Variants in CEP83 observed in about 807,000 individuals in gnomAD.
CEP83 encodes centrosomal protein 83, also known as centrosomal protein of 83 kDa.
CEP83 carries 70 observed loss-of-function variants against 101.9 expected under a neutral mutation model. That is an observed-to-expected ratio of 0.69 (90% CI 0.57 to 0.84). CEP83 has a LOEUF of 0.84. Among genes scored for constraint, CEP83 ranks in the 40% least tolerant of loss-of-function variants. CEP83 has a pLI of 0.00. For missense variants in CEP83, 715 were observed against 787.2 expected (o/e 0.91, Z 1.10); for synonymous variants, 264 against 267.9 (o/e 0.99, Z 0.14).
At chr12:94,453,337 G>A (rs890248915) in intron 1 of CEP83, among the ~76,000 whole-genome samples, 13 of 152,082 alleles carry the variant, frequency 8.5e-5, no homozygotes, top group African/African-American at 2.2e-4. Context: ...AACTTCCTCC[G>A]GGCCAAGTTG....
At chr12:94,291,276 C>T in the CEP83 span, among the ~76,000 whole-genome samples, 1 of 152,222 alleles carries the variant, frequency 6.6e-6, no homozygotes, top group African/African-American at 2.4e-5. Context: ...TGCTCTGTTG[C>T]CCAGGCTGGA....
intron 2 of CEP83, among the ~76,000 whole-genome samples, chr12:94,431,315 C>T (rs1283137426): frequency 1.3e-5 from 2 of 152,068 alleles, no homozygotes; most frequent in African/African-American, 4.8e-5. Context: ...AAGATACAAA[C>T]GTAAGACCCA....
downstream of CEP83, chr12:94,305,404 C>CTGTCT: frequency 1.6e-6 from 1 of 639,566 alleles, no homozygotes. Context: ...ACTTTGGGCA[C>CTGTCT]TGTCTTTTTA....
chr12:94,310,127 GT>G lies in CEP83; in HGVS notation c.1812-21del. The G allele has an allele frequency of 7.3e-7, 1 of 1,373,446 alleles. No homozygotes were observed. Among genetic ancestry groups the G allele is most frequent in the African/African-American group, 1.4e-5 (1 of 69,442 alleles). The allele number at this position is 1,373,446 out of a possible 1,614,324, so 85.1% of individuals were successfully genotyped here. A position where few individuals can be genotyped will look rare whatever the true frequency, so the allele number is the denominator to read the frequency against. ...TTTTGTCTTAAAAAGAAAAAGAAAT[GT>G]TTCTTTAACATGGTTATACCCTATT... is the stretch of plus-strand genomic sequence containing the variant. On this transcript the variant is annotated intron_variant, in intron 15 of 16. Coordinates refer to ENST00000397809, the MANE Select transcript of CEP83 (RefSeq NM_016122.3).
chr12:94,278,024 G>A, the CEP83 span: 1 of 456,028 alleles, frequency 2.2e-6, no homozygotes, highest in East Asian at 6.9e-5. Flanking sequence ...AGTGTCCACA[G>A]TACTTGGGGA....
At chr12:94,380,709 C>T (rs1201173702) in intron 6 of CEP83, among the ~76,000 whole-genome samples, 1 of 152,166 alleles carries the variant, frequency 6.6e-6, no homozygotes, top group East Asian at 1.9e-4. Flanking sequence ...GTGCCCTTTA[C>T]TGAGTACTTA....
chr12:94,361,264 G>C (rs142831811), intron 11 of CEP83: 1 of 152,322 alleles, frequency 6.6e-6, no homozygotes, highest in Non-Finnish European at 1.5e-5. Context: ...TACTTGGGAA[G>C]CTGAGGCAAG....
At chr12:94,416,298 T>C (rs575773147) in intron 2 of CEP83, among the ~76,000 whole-genome samples, 8 of 152,248 alleles carry the variant, frequency 5.3e-5, no homozygotes, top group South Asian at 4.1e-4. Context: ...CTCTGAATAA[T>C]GGAGACTAGA....
chr12:94,333,881 A>C (rs1191206133), intron 12 of CEP83, among the ~76,000 whole-genome samples: 3 of 152,100 alleles, frequency 2.0e-5, no homozygotes. Context: ...TTTCCAAAAT[A>C]TGCAGGCCAG....
chr12:94,399,540 T>A (rs1376117776), intron 6 of CEP83, among the ~76,000 whole-genome samples: 3 of 152,204 alleles, frequency 2.0e-5, no homozygotes, highest in Non-Finnish European at 4.4e-5. Context: ...CAAGGCCCCA[T>A]CTCTACAAGA....
chr12:94,333,531 A>G lies in CEP83; in HGVS notation c.1528T>C (p.Cys510Arg). 1 of 1,613,644 alleles carries G rather than the reference A, an allele frequency of 6.2e-7. No homozygotes were observed. The highest frequency in any genetic ancestry group is 8.5e-7 in the Non-Finnish European group (1 of 1,179,772). Residue 510 changes from cysteine (C) to arginine (R), a missense_variant, in exon 13 of 17, where the codon TGC (cysteine) becomes CGC (arginine). Physicochemically the swap from Cys to Arg is radical, Grantham distance 180 (BLOSUM62 -3). Transcript: ENST00000397809. ...TCAGCTTGGCTTCTAAAATTTCGGC[A>G]TTCTTGTTTTAATCTCTCCACCATT... The part of the protein sequence containing the change: ...KEMVERLKQE[C>R]RNFRSQAEKA...
the CEP83 span, chr12:94,298,846 T>TTAAC: frequency 6.6e-7 from 1 of 1,524,484 alleles, no homozygotes. Flanking sequence ...GGACAGAATA[T>TTAAC]TAACTAAAAG....
intron 1 of CEP83, among the ~76,000 whole-genome samples, chr12:94,437,730 G>A (rs1052789690): frequency 1.3e-5 from 2 of 152,074 alleles, no homozygotes; most frequent in Admixed American, 6.5e-5. Flanking sequence ...CTGCTAAAAG[G>A]AGTTCTGACT....
intron 14 of CEP83, among the ~76,000 whole-genome samples, chr12:94,316,153 C>T (rs979574233): frequency 6.6e-5 from 10 of 152,018 alleles, no homozygotes; most frequent in African/African-American, 1.9e-4. Flanking sequence ...TCCCTTTAGG[C>T]ATTTTTCCAT....
At chr12:94,432,864 T>C (rs1283186432) in intron 2 of CEP83, among the ~76,000 whole-genome samples, 1 of 152,156 alleles carries the variant, frequency 6.6e-6, no homozygotes, top group Non-Finnish European at 1.5e-5. Flanking sequence ...ATATGTAAAC[T>C]ATGTGCCAAT....
Position 94,374,089 on chromosome 12 carries a change from T to C in CEP83, c.933+1797A>G, listed in dbSNP as rs546660871. 3.1e-4 allele frequency among the ~76,000 whole-genome samples: 47 copies of C among 152,284 alleles called. 1 individual carries two copies. Among genetic ancestry groups the C allele is most frequent in the Admixed American group, 3.3e-4 (5 of 15,294 alleles). ...AACAAGCACAGAGAAATAAATACTATACTAGATTGCTGTTCTTTCTTCAGC... is the reference window on the plus strand; with the variant it reads ...AACAAGCACAGAGAAATAAATACTACACTAGATTGCTGTTCTTTCTTCAGC... On this transcript the variant is annotated intron_variant, in intron 8 of 16. Transcript: ENST00000397809.
intron 14 of CEP83, among the ~76,000 whole-genome samples, chr12:94,318,991 CTCT>C (rs1166288360): frequency 3.9e-5 from 6 of 152,164 alleles, no homozygotes; most frequent in Non-Finnish European, 7.4e-5. Flanking sequence ...GCAGTACCAG[CTCT>C]TCTTTGAACA....
intron 11 of CEP83, among the ~76,000 whole-genome samples, chr12:94,358,705 T>C (rs978603137): frequency 3.9e-5 from 6 of 152,334 alleles, no homozygotes; most frequent in Non-Finnish European, 5.9e-5. Flanking sequence ...ACAGCCAGGA[T>C]TGCCTTCTCC....
intron 1 of CEP83, among the ~76,000 whole-genome samples, chr12:94,441,165 A>T (rs2138374575): frequency 6.6e-6 from 1 of 152,314 alleles, no homozygotes; most frequent in East Asian, 1.9e-4. Context: ...AAAATGAAAT[A>T]AATGGATGGG....
Sources: allele counts gnomAD v4.1 joint callset (sites outside exome capture counted in the v4.1 genomes callset), GRCh38; gene constraint gnomAD v4.1.1; transcripts MANE v1.5; gene names NCBI Gene and HGNC (gene_info 2026-07-23, HGNC 2026-07-21).